Variants in ZFR2 observed in about 807,000 individuals in gnomAD.
The protein encoded by ZFR2 is zinc finger RNA binding protein 2, also known as zinc finger RNA-binding protein 2.
A neutral mutation model predicts 105.7 loss-of-function variants in ZFR2; 104 were observed. That is an observed-to-expected ratio of 0.98 (90% confidence interval 0.84 to 1.16). The LOEUF is 1.16. Ranked by LOEUF, ZFR2 falls within the 50% of genes most tolerant of loss-of-function variation. ZFR2 has a pLI of 0.00. For missense variants in ZFR2, 1,425 were observed against 1,355.5 expected (o/e 1.05, Z -0.80); for synonymous variants, 634 against 597.7 (o/e 1.06, Z -0.89).
At chr19:3,826,225 C>T (rs577418749) in intron 6 of ZFR2, among the ~76,000 whole-genome samples, 6 of 152,128 alleles carry the variant, frequency 3.9e-5, no homozygotes, top group East Asian at 3.9e-4. Context: ...TGGGTTCACA[C>T]GGGCCCTCAG....
intron 10 of ZFR2, among the ~76,000 whole-genome samples, chr19:3,821,103 C>T (rs1045525340): frequency 2.0e-5 from 3 of 152,086 alleles, no homozygotes; most frequent in Admixed American, 6.6e-5. Flanking sequence ...CCTGCGTCTA[C>T]GGAGGCCCTG....
chr19:3,815,976 C>T (rs936153605), intron 13 of ZFR2, among the ~76,000 whole-genome samples: 55 of 151,948 alleles, frequency 3.6e-4, no homozygotes, highest in East Asian at 1.2e-3. Flanking sequence ...AGGATGGTCT[C>T]GATCTGCTGA....
At chr19:3,844,036 G>A (rs1199456374) in intron 1 of ZFR2, among the ~76,000 whole-genome samples, 4 of 147,848 alleles carry the variant, frequency 2.7e-5, no homozygotes, top group African/African-American at 4.9e-5. Flanking sequence ...GCCAGGGACC[G>A]GGGAGGGGAA....
chr19:3,839,099 G>A (rs927269095), intron 1 of ZFR2, among the ~76,000 whole-genome samples: 2 of 152,198 alleles, frequency 1.3e-5, no homozygotes, highest in Middle Eastern at 3.4e-3. Flanking sequence ...ACCATCGTGG[G>A]GTGTTTTCAT....
At chr19:3,818,698 TC>T (rs2145143558) in intron 12 of ZFR2, among the ~76,000 whole-genome samples, 1 of 152,308 alleles carries the variant, frequency 6.6e-6, no homozygotes, top group South Asian at 2.1e-4. Flanking sequence ...GGCGGAGAAG[TC>T]CGTCAGAATC....
chr19:3,822,596 G>A (rs1025994485), intron 8 of ZFR2, among the ~76,000 whole-genome samples: 1 of 151,958 alleles, frequency 6.6e-6, no homozygotes, highest in Non-Finnish European at 1.5e-5. Context: ...CATGCCTGTA[G>A]TCCCAGCTAC....
At position 3,810,738 on chromosome 19, in the gene ZFR2, G is replaced by A. The variant is rs770983363; in HGVS notation, c.2433+12C>T. Reference sequence around the variant, plus strand: ...TCCCAGTGGAGGGCCGGGCCGCCAGGCACTGCCTTACCCAGGCTGGCAGGG... The same window carrying A: ...TCCCAGTGGAGGGCCGGGCCGCCAGACACTGCCTTACCCAGGCTGGCAGGG... On this transcript the variant is annotated intron_variant, in intron 16 of 18. Coordinates refer to ENST00000262961, the MANE Select transcript of ZFR2 (RefSeq NM_015174.2). The A allele has an allele frequency of 1.9e-5, 29 of 1,546,984 alleles. No individual in the cohort carries two copies. The highest frequency in any genetic ancestry group is 1.2e-5 in the South Asian group (1 of 83,742).
At chr19:3,840,985 TAC>T (rs112710895) in intron 1 of ZFR2, among the ~76,000 whole-genome samples, 7 of 152,214 alleles carry the variant, frequency 4.6e-5, no homozygotes, top group African/African-American at 1.7e-4. Flanking sequence ...ATCACACACA[TAC>T]ACACACACAT....
At chr19:3,848,699 A>C (rs1037666253) in intron 1 of ZFR2, among the ~76,000 whole-genome samples, 16 of 151,718 alleles carry the variant, frequency 1.1e-4, no homozygotes, top group African/African-American at 3.9e-4. Flanking sequence ...TCTTAAAAAC[A>C]CAAAGTGTTA....
intron 17 of ZFR2, among the ~76,000 whole-genome samples, chr19:3,807,564 T>A (rs1304821833): frequency 6.6e-6 from 1 of 152,130 alleles, no homozygotes; most frequent in Non-Finnish European, 1.5e-5. Context: ...GACGTGTGTG[T>A]CCATGCGTGC....
intron 6 of ZFR2, among the ~76,000 whole-genome samples, chr19:3,825,858 G>T (rs1277089937): frequency 6.6e-6 from 1 of 152,134 alleles, no homozygotes; most frequent in Non-Finnish European, 1.5e-5. Context: ...ACATGGTCAC[G>T]TCCGTATTCT....
At chr19:3,819,340 G>A (rs1349077383) in intron 11 of ZFR2, 105 bp from the exon 12 acceptor site, 7 of 1,232,864 alleles carry the variant, frequency 5.7e-6, no homozygotes, top group South Asian at 4.8e-5. Context: ...GCCAGGTTAC[G>A]AGGCGGCAGC....
At position 3,831,191 on chromosome 19, in the gene ZFR2, C is replaced by T. The variant is rs1028062455; in HGVS notation, c.852+112G>A. 3.1e-5 allele frequency: 43 copies of T among 1,394,080 alleles called. No individual in the cohort carries two copies. In the East Asian group the frequency reaches 1.0e-3, roughly 34 times the overall value. 86.4% of individuals were successfully genotyped at this position (1,394,080 alleles called of 1,614,324 possible). ...ATACAACATGCAAGTTAACACCAGACCTTCTTTCAGCAGGCAGCGACCCTG... is the reference window on the plus strand; with the variant it reads ...ATACAACATGCAAGTTAACACCAGATCTTCTTTCAGCAGGCAGCGACCCTG... On this transcript the variant is annotated intron_variant, in intron 5 of 18. Transcript: ENST00000262961.
In ZFR2 at chr19:3,831,076, T is replaced by C. The variant is rs376277163; in HGVS notation, c.852+227A>G. Among the ~76,000 whole-genome samples, 40 of 149,080 alleles carry C rather than the reference T, an allele frequency of 2.7e-4. No homozygotes were observed. In the East Asian group the frequency reaches 4.2e-3, roughly 15 times the overall value. Reference sequence around the variant, plus strand: ...ATGCACACTCACGTTTGCACACACATATGCACACATATACACATGCATAAA... The same window carrying C: ...ATGCACACTCACGTTTGCACACACACATGCACACATATACACATGCATAAA... On this transcript the variant is annotated intron_variant, in intron 5 of 18. Coordinates refer to ENST00000262961, the MANE Select transcript of ZFR2 (RefSeq NM_015174.2).
chr19:3,823,563 C>T lies in ZFR2; in HGVS notation c.1214-160G>A, dbSNP rs1351282974. On this transcript the variant is annotated intron_variant, in intron 7 of 18. Coordinates refer to ENST00000262961, the MANE Select transcript of ZFR2 (RefSeq NM_015174.2). This position sits in a 1 kb window ranked among gnomAD's most constrained non-coding sequence, Gnocchi z 5.4. Reference sequence around the variant, plus strand: ...GGGGAATGGCCCCGGACAGCAACCTCGCTCTCCCTTTCATGCCTGCGTGTG... The same window carrying T: ...GGGGAATGGCCCCGGACAGCAACCTTGCTCTCCCTTTCATGCCTGCGTGTG... Among the ~76,000 whole-genome samples, 1 of 152,198 alleles carries T rather than the reference C, an allele frequency of 6.6e-6. No homozygotes were observed. Among genetic ancestry groups the T allele is most frequent in the Non-Finnish European group, 1.5e-5 (1 of 68,036 alleles).
chr19:3,813,961 G>A lies in ZFR2; in HGVS notation c.2104-3C>T. On this transcript the variant is annotated splice_region_variant and splice_polypyrimidine_tract_variant and intron_variant, in intron 13 of 18. Coordinates refer to ENST00000262961, the MANE Select transcript of ZFR2 (RefSeq NM_015174.2). The surrounding 1 kb of genome is among the most constrained non-coding windows in gnomAD (Gnocchi z 4.4). ...TCATACTCATCCTCGGTCACCATCTGGGAGGGGTAAATACAACACAAGGCC... is the reference window on the plus strand; with the variant it reads ...TCATACTCATCCTCGGTCACCATCTAGGAGGGGTAAATACAACACAAGGCC... The A allele has an allele frequency of 6.2e-7, 1 of 1,613,762 alleles. No individual in the cohort carries two copies. Among genetic ancestry groups the A allele is most frequent in the Non-Finnish European group, 8.5e-7 (1 of 1,179,796 alleles).
chr19:3,809,091 C>CT lies in ZFR2; in HGVS notation c.2434-109dup, dbSNP rs1369596378. ...CAGGAGGCCCCCCTCAGCTCTTTCT[C>CT]TAACTCCCACCACCCACTGAACTTC... On this transcript the variant is annotated intron_variant, in intron 16 of 18. Coordinates refer to ENST00000262961, the MANE Select transcript of ZFR2 (RefSeq NM_015174.2). 3.8e-6 allele frequency: 3 copies of CT among 793,398 alleles called. No homozygotes were observed. In the African/African-American group the frequency reaches 5.4e-5, roughly 14 times the overall value. The allele number at this position is 793,398 out of a possible 1,614,324, so 49.1% of individuals were successfully genotyped here.
At chr19:3,867,143 G>A (rs986339771) in intron 1 of ZFR2, among the ~76,000 whole-genome samples, 23 of 151,664 alleles carry the variant, frequency 1.5e-4, no homozygotes, top group African/African-American at 5.6e-4. Context: ...GAACACCGCG[G>A]GGGGCAAAGA....
rs34786955 is a variant in ZFR2 at position 3,845,628 on chromosome 19, CAA to C, written c.54-10647_54-10646del. On this transcript the variant is annotated intron_variant, in intron 1 of 18. Transcript: ENST00000262961. The stretch of plus-strand genomic sequence containing the variant: ...GCAACATGACAAAACCCCATCTTTA[CAA>C]AAAAAAAAAAAAAAATTAGCCAGGC... Among the ~76,000 whole-genome samples, 385 of 126,902 alleles carry C rather than the reference CAA, an allele frequency of 3.0e-3. 1 individual carries two copies. Among genetic ancestry groups the C allele is most frequent in the Middle Eastern group, 0.017 (4 of 238 alleles). 83.3% of individuals were successfully genotyped at this position (126,902 alleles called of 152,430 possible). A position where few individuals can be genotyped will look rare whatever the true frequency, so the allele number is the denominator to read the frequency against.
Sources: allele counts gnomAD v4.1 joint callset (sites outside exome capture counted in the v4.1 genomes callset), GRCh38; gene constraint gnomAD v4.1.1; non-coding constraint Gnocchi (gnomAD v3.1); transcripts MANE v1.5; gene names NCBI Gene and HGNC (gene_info 2026-07-23, HGNC 2026-07-21).